Variants in PDE4D observed in about 807,000 individuals in gnomAD.
PDE4D encodes the protein phosphodiesterase 4D.
A neutral mutation model predicts 87.4 loss-of-function variants in PDE4D; 24 were observed. The observed-to-expected ratio is 0.27, with a 90% CI of 0.20 to 0.39. The LOEUF is 0.39. Ranked by LOEUF, PDE4D falls within the 10% of genes least tolerant of loss-of-function variation. PDE4D has a pLI of 1.00. For missense variants in PDE4D, 714 were observed against 1,041.0 expected (o/e 0.69, Z 4.32); for synonymous variants, 384 against 383.2 (o/e 1.00, Z -0.02).
intron 1 of PDE4D, among the ~76,000 whole-genome samples, chr5:59,308,941 G>T (rs1200889956): frequency 1.3e-5 from 2 of 152,012 alleles, no homozygotes; most frequent in Non-Finnish European, 2.9e-5. Flanking sequence ...GGGGATGGGG[G>T]TGAGATTCCC....
chr5:59,812,533 C>T (rs1181532682), intron 1 of PDE4D, among the ~76,000 whole-genome samples: 1 of 151,996 alleles, frequency 6.6e-6, no homozygotes, highest in Non-Finnish European at 1.5e-5. Flanking sequence ...ATTAGCCAGG[C>T]GTGGTGGCGC....
chr5:60,189,394 G>A (rs981615205), intron 1 of PDE4D, among the ~76,000 whole-genome samples: 3 of 152,136 alleles, frequency 2.0e-5, no homozygotes, highest in East Asian at 1.9e-4. Context: ...TCATTGCTAC[G>A]TCATATACAC....
At chr5:59,381,215 T>C (rs951058202) in intron 1 of PDE4D, among the ~76,000 whole-genome samples, 1 of 152,174 alleles carries the variant, frequency 6.6e-6, no homozygotes, top group African/African-American at 2.4e-5. Context: ...GCAGTTTTAG[T>C]GAAACCATTT....
intron 1 of PDE4D, chr5:59,592,040 G>T: frequency 2.1e-6 from 1 of 484,242 alleles, no homozygotes; most frequent in Non-Finnish European, 2.7e-6. Context: ...AAAGAGGTGA[G>T]TGTGCCATCA....
Position 60,451,810 on chromosome 5 carries a change from A to G in PDE4D, c.-90+36132T>C, listed in dbSNP as rs371130851. ...CTGGACCAGTTACATTATCGGCTCAATAATGTCTTACAGCACAACTGATAC... is the reference window on the plus strand; with the variant it reads ...CTGGACCAGTTACATTATCGGCTCAGTAATGTCTTACAGCACAACTGATAC... On this transcript the variant is annotated intron_variant, in intron 1 of 16. Transcript: ENST00000502484. Among the ~76,000 whole-genome samples the G allele has an allele frequency of 7.3e-4, 111 of 152,248 alleles. 3 individuals are homozygous for G. In the South Asian group the frequency reaches 0.02, roughly 28 times the overall value.
intron 1 of PDE4D, among the ~76,000 whole-genome samples, chr5:59,780,567 A>T (rs1764515170): frequency 6.6e-6 from 1 of 152,162 alleles, no homozygotes; most frequent in Admixed American, 6.5e-5. Context: ...ATAAAGATAG[A>T]TTGTGCTAAG....
chr5:60,087,445 A>G (rs1048362624), intron 2 of PDE4D, among the ~76,000 whole-genome samples: 1 of 152,258 alleles, frequency 6.6e-6, no homozygotes, highest in African/African-American at 2.4e-5. Context: ...TGTCAGGCAG[A>G]AAATTCAGAA....
intron 1 of PDE4D, among the ~76,000 whole-genome samples, chr5:59,704,167 T>G (rs1437513389): frequency 6.6e-6 from 1 of 152,178 alleles, no homozygotes; most frequent in East Asian, 1.9e-4. Flanking sequence ...GGAATTCACC[T>G]TTATTTATGC....
chr5:60,412,177 A>C (rs1226419694), intron 1 of PDE4D, among the ~76,000 whole-genome samples: 1 of 152,150 alleles, frequency 6.6e-6, no homozygotes, highest in African/African-American at 2.4e-5. Flanking sequence ...ACGTGTCTTC[A>C]AAAGAACACT....
At chr5:59,566,362 T>C (rs1820881524) in intron 1 of PDE4D, among the ~76,000 whole-genome samples, 1 of 152,160 alleles carries the variant, frequency 6.6e-6, no homozygotes, top group African/African-American at 2.4e-5. Flanking sequence ...TAAGGTTCTC[T>C]CTCTTGCCTT....
chr5:60,067,063 C>T (rs1772185507), intron 2 of PDE4D, among the ~76,000 whole-genome samples: 1 of 152,080 alleles, frequency 6.6e-6, no homozygotes, highest in African/African-American at 2.4e-5. Flanking sequence ...CATCTCTGTC[C>T]TCTCTGGACA....
chr5:59,687,541 C>T (rs1296579832), intron 1 of PDE4D, among the ~76,000 whole-genome samples: 1 of 152,052 alleles, frequency 6.6e-6, no homozygotes, highest in African/African-American at 2.4e-5. Context: ...TTTGTCACCA[C>T]CAGGCCTAGA....
intron 1 of PDE4D, among the ~76,000 whole-genome samples, chr5:59,886,786 G>A (rs1164039932): frequency 6.6e-6 from 1 of 152,066 alleles, no homozygotes; most frequent in Non-Finnish European, 1.5e-5. Flanking sequence ...GGGGACAAAA[G>A]TTAGACTTTC....
At position 59,053,638 on chromosome 5, in the gene PDE4D, G is replaced by GTTTT. The variant is rs1205199951; in HGVS notation, c.809-14671_809-14668dup. On this transcript the variant is annotated intron_variant, in intron 5 of 14. Coordinates refer to ENST00000340635, the MANE Select transcript of PDE4D (RefSeq NM_001104631.2). The stretch of plus-strand genomic sequence containing the variant: ...TAAGTTTTATGAATTAAGTTGTTTT[G>GTTTT]TTTTTTGTTTTTTTTTGTTGTTGTT... Among the ~76,000 whole-genome samples, 54 of 84,662 alleles carry GTTTT rather than the reference G, an allele frequency of 6.4e-4. 3 individuals carry two copies. The highest frequency in any genetic ancestry group is 2.7e-3 in the African/African-American group (53 of 19,730). The allele number at this position is 84,662 out of a possible 152,430, so 55.5% of individuals were successfully genotyped here. A position where few individuals can be genotyped will look rare whatever the true frequency, so the allele number is the denominator to read the frequency against.
chr5:60,443,678 T>C (rs1038886093), intron 1 of PDE4D, among the ~76,000 whole-genome samples: 1 of 152,046 alleles, frequency 6.6e-6, no homozygotes, highest in Non-Finnish European at 1.5e-5. Flanking sequence ...CAAGTAATAA[T>C]AAGAACTAGC....
Position 59,277,442 on chromosome 5 carries a change from G to T in PDE4D, c.456-61474C>A, listed in dbSNP as rs928359302. Among the ~76,000 whole-genome samples the T allele has an allele frequency of 6.6e-5, 10 of 152,060 alleles. No homozygotes were observed. In the South Asian group the frequency reaches 1.9e-3, roughly 28 times the overall value. On this transcript the variant is annotated intron_variant, in intron 1 of 14. Coordinates refer to ENST00000340635, the MANE Select transcript of PDE4D (RefSeq NM_001104631.2). ...AGGTTAATTAATCATGTATTTTTTTGGAAACTTAAAAGTTTTGTGAGACTA... is the reference window on the plus strand; with the variant it reads ...AGGTTAATTAATCATGTATTTTTTTTGAAACTTAAAAGTTTTGTGAGACTA...
intron 3 of PDE4D, among the ~76,000 whole-genome samples, chr5:59,968,991 ACC>A (rs200411404): frequency 9.1e-5 from 11 of 120,928 alleles, no homozygotes; most frequent in Non-Finnish European, 1.6e-4. Flanking sequence ...AAGAAAAGGC[ACC>A]CCCCCCCCGA....
At chr5:60,060,282 T>G (rs1054797827) in intron 2 of PDE4D, among the ~76,000 whole-genome samples, 5 of 152,078 alleles carry the variant, frequency 3.3e-5, no homozygotes, top group Non-Finnish European at 7.4e-5. Flanking sequence ...TTAAGTTAAT[T>G]CAGTTATTTG....
At chr5:59,685,652 C>T (rs966844713) in intron 1 of PDE4D, among the ~76,000 whole-genome samples, 1 of 152,074 alleles carries the variant, frequency 6.6e-6, no homozygotes, top group Non-Finnish European at 1.5e-5. Flanking sequence ...ACTACTCTGC[C>T]TTCTATTGAC....
Sources: allele counts gnomAD v4.1 joint callset (sites outside exome capture counted in the v4.1 genomes callset), GRCh38; gene constraint gnomAD v4.1.1; transcripts MANE v1.5; gene names NCBI Gene and HGNC (gene_info 2026-07-23, HGNC 2026-07-21).